Variants in PWP1 observed in about 807,000 individuals in gnomAD.
The protein encoded by PWP1 is periodic tryptophan protein 1 homolog.
PWP1 carries 47 observed loss-of-function variants against 69.9 expected under a neutral mutation model. The observed-to-expected ratio is 0.67, with a 90% CI of 0.53 to 0.86. The LOEUF (loss-of-function observed/expected upper bound fraction) is 0.86, where lower values mean the gene tolerates loss of function less well. PWP1 is among the 40% of genes least tolerant of loss of function. The probability of loss-of-function intolerance (pLI) is 0.00; values close to 1 mark genes in which losing one functional copy is unlikely to be tolerated. For missense variants in PWP1, 551 were observed against 608.8 expected (o/e 0.91, Z 1.00); for synonymous variants, 222 against 208.2 (o/e 1.07, Z -0.57).
intron 13 of PWP1, 51 bp downstream of exon 13, chr12:107,709,283 G>T: frequency 1.3e-6 from 2 of 1,576,876 alleles, no homozygotes; most frequent in Non-Finnish European, 8.6e-7. Flanking sequence ...TTCTGACCTT[G>T]TCTTTTTCTG....
chr12:107,702,282 C>T (rs1566080854), intron 8 of PWP1, among the ~76,000 whole-genome samples: 2 of 151,442 alleles, frequency 1.3e-5, no homozygotes, highest in Non-Finnish European at 2.9e-5. Context: ...GTAGTACATC[C>T]TGTTTTGTTT....
In PWP1 at chr12:107,692,833, ATC is replaced by A; in HGVS notation, c.345_346del (p.Leu116GlyfsTer8). The A allele has an allele frequency of 6.2e-7, 1 of 1,613,148 alleles. No homozygotes were observed. The highest frequency in any genetic ancestry group is 8.5e-7 in the Non-Finnish European group (1 of 1,179,530). On this transcript the variant is annotated frameshift_variant, in exon 4 of 15. Coordinates refer to ENST00000412830, the MANE Select transcript of PWP1 (RefSeq NM_007062.3). LOFTEE classifies it high-confidence loss of function. ...TTACAGATGCTGAGACTCTTGGTGA[ATC>A]TCTCTTGGGTCTTACGGTCTACGGG... The part of the protein sequence containing the change: ...GDPDAETLGE[S>X]LLGLTVYGSN...
At chr12:107,696,686 T>A (rs1209510653) in intron 6 of PWP1, 102 bp downstream of exon 6, 5 of 1,511,880 alleles carry the variant, frequency 3.3e-6, no homozygotes, top group African/African-American at 1.4e-5. Context: ...GAATTGTTGC[T>A]GATATTTTCT....
chr12:107,701,921 G>T (rs527986085), intron 8 of PWP1, among the ~76,000 whole-genome samples: 8 of 152,156 alleles, frequency 5.3e-5, no homozygotes, highest in Middle Eastern at 3.4e-3. Context: ...CAAGTGATCT[G>T]CCTGCCTCTG....
intron 13 of PWP1, 121 bp from the exon 14 acceptor site, chr12:107,710,284 G>A: frequency 6.9e-7 from 1 of 1,442,438 alleles, no homozygotes; most frequent in Non-Finnish European, 9.2e-7. Flanking sequence ...TTGAAAGTGA[G>A]AATCATAAGT....
At chr12:107,708,064 C>T (rs1332724252) in intron 11 of PWP1, among the ~76,000 whole-genome samples, 1 of 152,158 alleles carries the variant, frequency 6.6e-6, no homozygotes, top group Non-Finnish European at 1.5e-5. Context: ...AGCCAGGCAG[C>T]CTGAAGCCTG....
Position 107,704,684 on chromosome 12 carries a change from G to A in PWP1, c.1014G>A (p.Met338Ile), listed in dbSNP as rs750762832. ...GAAGTCCAGATGAAAGCCATCGAAT[G>A]TGGCGATTCAGTGGGCAGATAGAGA... ...DCRSPDESHRMWRFSGQIERV... is the reference protein window; with the variant it reads ...DCRSPDESHRIWRFSGQIERV... The change falls in exon 11 of 15, where the codon ATG becomes ATA. Residue 338 changes from methionine to isoleucine, a missense_variant. Met to Ile is a conservative substitution (Grantham distance 10). Transcript: ENST00000412830. 3.7e-6 allele frequency: 6 copies of A among 1,614,042 alleles called. No homozygotes were observed. In the Admixed American group the frequency reaches 1.0e-4, roughly 27 times the overall value.
At chr12:107,695,884 G>T (rs1889573525) in intron 5 of PWP1, among the ~76,000 whole-genome samples, 1 of 152,074 alleles carries the variant, frequency 6.6e-6, no homozygotes, top group Non-Finnish European at 1.5e-5. Context: ...TGTTTTCTAT[G>T]AATGACCTAG....
intron 1 of PWP1, among the ~76,000 whole-genome samples, chr12:107,687,830 C>T (rs1465350639): frequency 6.6e-6 from 1 of 151,772 alleles, no homozygotes; most frequent in East Asian, 1.9e-4. Context: ...TCAGGAGTTC[C>T]AGACCAGCCC....
In PWP1 at chr12:107,704,879, C is replaced by T. The variant is rs1889784399; in HGVS notation, c.1077+132C>T. 3 of 628,662 alleles carry T rather than the reference C, an allele frequency of 4.8e-6. No individual in the cohort carries two copies. In the South Asian group the frequency reaches 7.9e-5, roughly 17 times the overall value. The allele number at this position is 628,662 out of a possible 1,614,324, so 38.9% of individuals were successfully genotyped here. On this transcript the variant is annotated intron_variant, in intron 11 of 14. Coordinates refer to ENST00000412830, the MANE Select transcript of PWP1 (RefSeq NM_007062.3). ...AAGTATTTGGGTTTAGGGTTGAAAGCATAAGGTGTTTTTTTTTAAATAAGA... is the reference window on the plus strand; with the variant it reads ...AAGTATTTGGGTTTAGGGTTGAAAGTATAAGGTGTTTTTTTTTAAATAAGA...
intron 14 of PWP1, among the ~76,000 whole-genome samples, chr12:107,711,016 G>C (rs1332145084): frequency 6.6e-6 from 1 of 152,122 alleles, no homozygotes; most frequent in Admixed American, 6.5e-5. Flanking sequence ...GGGAAATCAG[G>C]GGTCTCACAG....
intron 10 of PWP1, among the ~76,000 whole-genome samples, chr12:107,704,240 G>A (rs1220249520): frequency 6.6e-6 from 1 of 152,212 alleles, no homozygotes; most frequent in East Asian, 1.9e-4. Flanking sequence ...TTACAAAAGT[G>A]CATCCCTTGC....
chr12:107,686,646 A>T (rs957729902), intron 1 of PWP1, among the ~76,000 whole-genome samples: 27 of 152,340 alleles, frequency 1.8e-4, no homozygotes, highest in African/African-American at 6.3e-4. Flanking sequence ...GGCATTGTTC[A>T]GGGTCCTGGG....
At chr12:107,694,670 A>C (rs571813290) in intron 5 of PWP1, among the ~76,000 whole-genome samples, 35 of 152,206 alleles carry the variant, frequency 2.3e-4, no homozygotes, top group Admixed American at 1.3e-3. Flanking sequence ...ATTTCAAAAA[A>C]TTGAGAACCT....
intron 14 of PWP1, among the ~76,000 whole-genome samples, chr12:107,710,746 T>C (rs1047421710): frequency 1.3e-5 from 2 of 152,178 alleles, no homozygotes; most frequent in African/African-American, 4.8e-5. Context: ...TTGAATTGTT[T>C]CTCAGCATTT....
At chr12:107,704,957 C>T (rs897970857) in intron 11 of PWP1, among the ~76,000 whole-genome samples, 3 of 151,816 alleles carry the variant, frequency 2.0e-5, no homozygotes, top group Admixed American at 6.6e-5. Context: ...TGCTGGTTGC[C>T]GGCCATTCCA....
chr12:107,710,344 G>T (rs1889922921), intron 13 of PWP1, 61 bp from the exon 14 acceptor site: 1 of 1,593,626 alleles, frequency 6.3e-7, no homozygotes, highest in East Asian at 2.2e-5. Flanking sequence ...CAACAGTGAG[G>T]ATCTAGATAT....
intron 8 of PWP1, among the ~76,000 whole-genome samples, chr12:107,699,782 C>T (rs1168438647): frequency 1.3e-5 from 2 of 152,206 alleles, no homozygotes; most frequent in Non-Finnish European, 2.9e-5. Flanking sequence ...TCACCACATA[C>T]TCTTTTATTC....
chr12:107,689,119 A>G (rs1285651049), intron 3 of PWP1, among the ~76,000 whole-genome samples: 1 of 152,208 alleles, frequency 6.6e-6, no homozygotes, highest in Non-Finnish European at 1.5e-5. Flanking sequence ...TTATATCCAT[A>G]TACCTTTTCC....
Sources: gnomAD v4.1 joint callset for allele counts (sites outside exome capture counted in the v4.1 genomes callset) on GRCh38, gnomAD v4.1.1 for gene constraint, MANE v1.5 for transcripts, NCBI Gene and HGNC (gene_info 2026-07-23, HGNC 2026-07-21) for gene names.